TNR: variants seen among roughly 807,000 people sequenced by gnomAD.
The protein encoded by TNR is tenascin R.
TNR carries 45 observed loss-of-function variants against 150.4 expected under a neutral mutation model. That is an observed-to-expected ratio of 0.30 (90% CI 0.24 to 0.38). The LOEUF (loss-of-function observed/expected upper bound fraction) is 0.38. TNR is among the 10% of genes least tolerant of loss of function. TNR has a pLI of 1.00. For synonymous variants in TNR, 687 were observed against 678.4 expected (o/e 1.01, Z -0.20); for missense variants, 1,544 against 1,759.1 (o/e 0.88, Z 2.19).
rs77294901 is a variant in TNR, at chr1:175,610,976, T to C, written c.-164-82607A>G. Reference sequence around the variant, plus strand: ...TACATGGCTTGATCACTGAGCCAGTTTGGTGTGCCCTGTTGGCAGGGAAAT... The same window carrying C: ...TACATGGCTTGATCACTGAGCCAGTCTGGTGTGCCCTGTTGGCAGGGAAAT... On this transcript the variant is annotated intron_variant, in intron 1 of 22. Transcript: ENST00000367674. Among the ~76,000 whole-genome samples the C allele has an allele frequency of 1.3e-3, 198 of 152,338 alleles. No individual in the cohort carries two copies. The East Asian group carries it at 0.031, about 24-fold the overall frequency.
In TNR at chr1:175,363,777, C is replaced by T. The variant is rs371202214; in HGVS notation, c.2638G>A (p.Val880Met). The stretch of plus-strand genomic sequence containing the variant: ...ACAGGAGGGCTCCAGGAGACCATCA[C>T]TGAGTCCTTGGTCACATTGCTAATT... ...ITISNVTKDS[V>M]MVSWSPPVAS... The change falls in exon 13 of 23, where the codon GTG (valine) becomes ATG (methionine). Residue 880 changes from valine (V) to methionine (M), a missense_variant. Transcript: ENST00000367674. 1.3e-5 allele frequency: 21 copies of T among 1,613,842 alleles called. No individual in the cohort carries two copies. The highest frequency in any genetic ancestry group is 1.6e-4 in the Middle Eastern group (1 of 6,082).
chr1:175,434,615 C>G (rs1258637875), intron 2 of TNR, among the ~76,000 whole-genome samples: 2 of 152,162 alleles, frequency 1.3e-5, no homozygotes, highest in African/African-American at 2.4e-5. Context: ...CTCATTAACT[C>G]GACAATAAAA....
In TNR at chr1:175,708,290, C is replaced by G. The variant is rs544731535; in HGVS notation, c.-165+34936G>C. On this transcript the variant is annotated intron_variant, in intron 1 of 22. Transcript: ENST00000367674. ...TGAGCTCCCACCAAAAGGACAGGCT[C>G]TCCAGGAGAAGCCTTCCCTGAACCC... is the stretch of plus-strand genomic sequence containing the variant. Among the ~76,000 whole-genome samples the G allele has an allele frequency of 2.0e-5, 3 of 152,128 alleles. No individual in the cohort carries two copies. In the South Asian group the frequency reaches 6.2e-4, roughly 32 times the overall value.
intron 2 of TNR, among the ~76,000 whole-genome samples, chr1:175,502,725 G>A (rs970924618): frequency 7.9e-5 from 12 of 152,156 alleles, no homozygotes; most frequent in Admixed American, 2.6e-4. Flanking sequence ...ATGCAGTGGC[G>A]AGGGTTACAG....
chr1:175,664,835 G>T (rs146541271), intron 1 of TNR, among the ~76,000 whole-genome samples: 1 of 152,224 alleles, frequency 6.6e-6, no homozygotes, highest in African/African-American at 2.4e-5. Flanking sequence ...ATGTGGGGCT[G>T]TTAGGAAACA....
chr1:175,678,865 G>T (rs1665946369), intron 1 of TNR, among the ~76,000 whole-genome samples: 1 of 152,212 alleles, frequency 6.6e-6, no homozygotes, highest in Non-Finnish European at 1.5e-5. Context: ...ATATCCTTCA[G>T]GCAAGATCAT....
intron 2 of TNR, among the ~76,000 whole-genome samples, chr1:175,504,157 G>A (rs1426471050): frequency 6.6e-6 from 1 of 152,012 alleles, no homozygotes; most frequent in Non-Finnish European, 1.5e-5. Flanking sequence ...ATCTCCTTTG[G>A]GCTCAATGGT....
intron 1 of TNR, among the ~76,000 whole-genome samples, chr1:175,579,706 G>T (rs941553226): frequency 9.2e-5 from 14 of 151,362 alleles, no homozygotes; most frequent in African/African-American, 2.9e-4. Flanking sequence ...AGAAGAAATG[G>T]GGTAGGAGAC....
Position 175,318,684 on chromosome 1 carries a change from A to C in TNR, c.*4673T>G, listed in dbSNP as rs1295365581. 2 of 152,282 alleles carry C rather than the reference A, an allele frequency of 1.3e-5. No individual in the cohort carries two copies. The highest frequency in any genetic ancestry group is 4.8e-5 in the African/African-American group (2 of 41,450). 9.4% of individuals were successfully genotyped at this position (152,282 alleles called of 1,614,324 possible). On this transcript the variant is annotated 3_prime_UTR_variant, in exon 23 of 23. Transcript: ENST00000367674. ...AGGAATGTGGTCAAAGAGAGGCTAC[A>C]GGAACAACCCCAGGGGCCAGCCTGT...
intron 2 of TNR, among the ~76,000 whole-genome samples, chr1:175,439,222 A>G (rs967288467): frequency 6.6e-6 from 1 of 151,688 alleles, no homozygotes; most frequent in African/African-American, 2.4e-5. Context: ...ATAATGCCGC[A>G]TATCTACAAC....
intron 2 of TNR, among the ~76,000 whole-genome samples, chr1:175,423,790 A>G (rs1043434387): frequency 1.3e-5 from 2 of 152,162 alleles, no homozygotes; most frequent in African/African-American, 4.8e-5. Context: ...GCCACATAAT[A>G]GGGTGCAGCT....
In TNR at chr1:175,323,310, A is replaced by G. The variant is rs762855183; in HGVS notation, c.*47T>C. The G allele has an allele frequency of 4.4e-6, 7 of 1,607,172 alleles. No individual in the cohort carries two copies. The highest frequency in any genetic ancestry group is 6.0e-6 in the Non-Finnish European group (7 of 1,175,956). On this transcript the variant is annotated 3_prime_UTR_variant, in exon 23 of 23. Coordinates refer to ENST00000367674, the MANE Select transcript of TNR (RefSeq NM_003285.3). ...CCCCCCTTGTTTCATATTATAAAAT[A>G]CAAACAAATGACAGAAAATATTGGT...
intron 2 of TNR, among the ~76,000 whole-genome samples, chr1:175,412,984 T>G (rs1164423405): frequency 1.3e-5 from 2 of 152,218 alleles, no homozygotes; most frequent in Non-Finnish European, 2.9e-5. Context: ...TCTTCTGTAT[T>G]GCAAAGAATG....
chr1:175,438,548 G>T (rs1655624206), intron 2 of TNR, among the ~76,000 whole-genome samples: 1 of 152,080 alleles, frequency 6.6e-6, no homozygotes, highest in Non-Finnish European at 1.5e-5. Flanking sequence ...GCAGGAGAAG[G>T]AAATAAAGGG....
intron 1 of TNR, among the ~76,000 whole-genome samples, chr1:175,628,377 T>A (rs1470460893): frequency 6.6e-6 from 1 of 151,930 alleles, no homozygotes; most frequent in Non-Finnish European, 1.5e-5. Flanking sequence ...GGGGAAGGGG[T>A]AAAGAGTGGC....
intron 10 of TNR, 68 bp downstream of exon 10, chr1:175,367,140 C>T (rs1024460941): frequency 4.0e-5 from 58 of 1,442,336 alleles, no homozygotes; most frequent in South Asian, 3.8e-4. Flanking sequence ...TTTGCTGGGA[C>T]GAGCCTCCAT....
intron 1 of TNR, among the ~76,000 whole-genome samples, chr1:175,556,439 A>G (rs535126617): frequency 1.8e-4 from 28 of 152,358 alleles, no homozygotes; most frequent in African/African-American, 5.5e-4. Context: ...AACTTGTACC[A>G]AAATACATTA....
At chr1:175,617,919 C>A (rs1459558504) in intron 1 of TNR, among the ~76,000 whole-genome samples, 1 of 152,166 alleles carries the variant, frequency 6.6e-6, no homozygotes, top group African/African-American at 2.4e-5. Context: ...AGGTTTAGTT[C>A]TTGACCAAGA....
intron 1 of TNR, among the ~76,000 whole-genome samples, chr1:175,621,998 G>C (rs1405261861): frequency 6.6e-6 from 1 of 152,210 alleles, no homozygotes; most frequent in Non-Finnish European, 1.5e-5. Flanking sequence ...TTGAAAGAGG[G>C]ATAATAACGT....
Sources: allele counts gnomAD v4.1 joint callset (sites outside exome capture counted in the v4.1 genomes callset), GRCh38; gene constraint gnomAD v4.1.1; transcripts MANE v1.5; gene names NCBI Gene and HGNC (gene_info 2026-07-23, HGNC 2026-07-21).